RPS6KA5: variants seen among roughly 807,000 people sequenced by gnomAD.
RPS6KA5 encodes ribosomal protein S6 kinase alpha-5.
A neutral mutation model predicts 85.5 loss-of-function variants in RPS6KA5; 27 were observed. That is an observed-to-expected ratio of 0.32 (90% confidence interval 0.23 to 0.44). The LOEUF is 0.44. Ranked by LOEUF, RPS6KA5 falls within the 20% of genes least tolerant of loss-of-function variation. RPS6KA5 has a pLI of 1.00. For synonymous variants in RPS6KA5, 334 were observed against 348.2 expected (o/e 0.96, Z 0.46); for missense variants, 811 against 980.9 (o/e 0.83, Z 2.31).
At chr14:91,048,334 G>A (rs1264488811) in intron 1 of RPS6KA5, among the ~76,000 whole-genome samples, 1 of 152,028 alleles carries the variant, frequency 6.6e-6, no homozygotes, top group African/African-American at 2.4e-5. Flanking sequence ...TATTTACGCA[G>A]TTTTTGCCAA....
chr14:90,925,941 CAAAAAAA>C (rs71117389), intron 5 of RPS6KA5, among the ~76,000 whole-genome samples: 23 of 73,530 alleles, frequency 3.1e-4, no homozygotes, highest in Non-Finnish European at 5.2e-4. Context: ...GACCCTGACT[CAAAAAAA>C]AAAAAAAAAA....
chr14:91,025,020 A>G (rs1279286517), intron 1 of RPS6KA5, among the ~76,000 whole-genome samples: 1 of 151,298 alleles, frequency 6.6e-6, no homozygotes, highest in Non-Finnish European at 1.5e-5. Context: ...AGCTGGGACT[A>G]CAGATGTGCA....
intron 2 of RPS6KA5, among the ~76,000 whole-genome samples, chr14:90,980,460 C>T (rs555483786): frequency 1.4e-4 from 21 of 152,322 alleles, no homozygotes; most frequent in African/African-American, 3.8e-4. Context: ...TACATCTGTC[C>T]GCAACATAGG....
In RPS6KA5 at chr14:90,890,581, G is replaced by A; in HGVS notation, c.1742C>T (p.Thr581Ile). Reference protein sequence around the residue: ...LKPPDNQPLKTPCFTLHYAAP... With the variant: ...LKPPDNQPLKIPCFTLHYAAP... ...GGCATAATGAAGGGTGAAGCATGGA[G>A]TCTTCAGGGGCTGATTATCCGGTGG... Residue 581 changes from threonine to isoleucine, a missense_variant, in exon 14 of 17, where the codon ACT becomes ATT. Thr to Ile is a moderately conservative substitution (Grantham distance 89). Coordinates refer to ENST00000614987, the MANE Select transcript of RPS6KA5 (RefSeq NM_004755.4). 6.2e-7 allele frequency: 1 copy of A among 1,614,088 alleles called. No individual in the cohort carries two copies. The highest frequency in any genetic ancestry group is 8.5e-7 in the Non-Finnish European group (1 of 1,179,916).
chr14:91,059,408 T>C (rs1197734508), intron 1 of RPS6KA5, among the ~76,000 whole-genome samples: 1 of 150,664 alleles, frequency 6.6e-6, no homozygotes, highest in Admixed American at 6.6e-5. Flanking sequence ...CTCACAAACA[T>C]ATCTAGTAAT....
chr14:90,993,657 T>C (rs1322801581), intron 2 of RPS6KA5, among the ~76,000 whole-genome samples: 1 of 152,256 alleles, frequency 6.6e-6, no homozygotes, highest in African/African-American at 2.4e-5. Flanking sequence ...TGTTCCTTTA[T>C]AAATAAGTCT....
rs778485150 is a variant in RPS6KA5 at position 90,875,229 on chromosome 14, T to G, written c.1968A>C (p.Val656=). 6 of 1,613,722 alleles carry G rather than the reference T, an allele frequency of 3.7e-6. No homozygotes were observed. Among genetic ancestry groups the G allele is most frequent in the African/African-American group, 1.3e-5 (1 of 74,928 alleles). The change falls in exon 15 of 17, where the codon GTA becomes GTC. Residue 656 remains valine (V), a synonymous_variant. Transcript: ENST00000614987. ...FSFEGEAWKN[V]SQEAKDLIQG... The stretch of plus-strand genomic sequence containing the variant: ...GGATCAAATCTTTAGCCTCTTGGGA[T>G]ACATTCTTCCAGGCTTCTCCTTCAA...
chr14:91,053,364 A>G (rs1279280835), intron 1 of RPS6KA5, among the ~76,000 whole-genome samples: 2 of 152,356 alleles, frequency 1.3e-5, no homozygotes, highest in East Asian at 3.9e-4. Context: ...CAAGGCAATT[A>G]AGCAGGAAAT....
chr14:91,052,833 CAAAAAA>C (rs200161761), intron 1 of RPS6KA5, among the ~76,000 whole-genome samples: 5 of 120,216 alleles, frequency 4.2e-5, no homozygotes, highest in Non-Finnish European at 5.1e-5. Flanking sequence ...ACTCCATCTC[CAAAAAA>C]AAAAAAAAAA....
At chr14:90,891,053 AT>A (rs1471813291) in intron 13 of RPS6KA5, among the ~76,000 whole-genome samples, 1 of 151,512 alleles carries the variant, frequency 6.6e-6, no homozygotes, top group Non-Finnish European at 1.5e-5. Flanking sequence ...AACGTTTAAT[AT>A]TTTTTCCTAA....
rs530470027 is a variant in RPS6KA5, at chr14:90,970,793, C to T, written c.394+7513G>A. Among the ~76,000 whole-genome samples the T allele has an allele frequency of 1.2e-4, 18 of 151,934 alleles. No homozygotes were observed. In the South Asian group the frequency reaches 3.5e-3, roughly 30 times the overall value. Reference sequence around the variant, plus strand: ...GTACAGAAAAAGTTATAAAAGGAGACATGATCTCCACGTTACAAGATTTGG... The same window carrying T: ...GTACAGAAAAAGTTATAAAAGGAGATATGATCTCCACGTTACAAGATTTGG... On this transcript the variant is annotated intron_variant, in intron 3 of 16. Coordinates refer to ENST00000614987, the MANE Select transcript of RPS6KA5 (RefSeq NM_004755.4).
At chr14:91,015,602 G>A (rs771387168) in intron 1 of RPS6KA5, among the ~76,000 whole-genome samples, 7 of 152,110 alleles carry the variant, frequency 4.6e-5, no homozygotes, top group Admixed American at 2.0e-4. Context: ...CAGTTCTACT[G>A]TCACTTCTAC....
intron 7 of RPS6KA5, among the ~76,000 whole-genome samples, chr14:90,909,488 A>G (rs2035685406): frequency 6.6e-6 from 1 of 152,198 alleles, no homozygotes. Context: ...AAAGACTGCT[A>G]TTTTTATCCT....
intron 2 of RPS6KA5, among the ~76,000 whole-genome samples, chr14:90,992,455 A>G (rs2040349940): frequency 6.6e-6 from 1 of 152,234 alleles, no homozygotes; most frequent in Non-Finnish European, 1.5e-5. Context: ...TACTCAGTGC[A>G]GATGTATAAT....
chr14:90,901,645 A>T (rs762241873), intron 9 of RPS6KA5, among the ~76,000 whole-genome samples: 5 of 152,220 alleles, frequency 3.3e-5, no homozygotes, highest in Non-Finnish European at 5.9e-5. Flanking sequence ...GCCCAGTCAC[A>T]TACTAGACAG....
rs1048158093 is a variant in RPS6KA5 at position 90,862,822 on chromosome 14, T to C, written c.*9252A>G. ...GCAAAATATTAGCAAACTATATCCA[T>C]TGATATATGAAAAGGGCAATACATC... On this transcript the variant is annotated 3_prime_UTR_variant, in exon 17 of 17. Transcript: ENST00000614987. 3 of 152,154 alleles carry C rather than the reference T, an allele frequency of 2.0e-5. No individual in the cohort carries two copies. Among genetic ancestry groups the C allele is most frequent in the African/African-American group, 7.2e-5 (3 of 41,426 alleles). 9.4% of individuals were successfully genotyped at this position (152,154 alleles called of 1,614,324 possible).
chr14:91,058,519 A>T (rs1013815070), intron 1 of RPS6KA5, among the ~76,000 whole-genome samples: 2 of 152,270 alleles, frequency 1.3e-5, no homozygotes, highest in African/African-American at 4.8e-5. Context: ...GACTTCAAGT[A>T]GCTTTTGCTG....
rs2042406257 is a variant in RPS6KA5, at chr14:91,036,245, T to C, written c.103+24087A>G. ...TAAGAAGCTCCAGACCACTGAGGAC[T>C]TGGAAAGACAAGCTAACTAAGGCCT... On this transcript the variant is annotated intron_variant, in intron 1 of 16. Coordinates refer to ENST00000614987, the MANE Select transcript of RPS6KA5 (RefSeq NM_004755.4). Among the ~76,000 whole-genome samples the C allele has an allele frequency of 2.0e-5, 3 of 152,148 alleles. 1 individual carries two copies. Among genetic ancestry groups the C allele is most frequent in the South Asian group, 4.1e-4 (2 of 4,824 alleles).
chr14:90,969,598 G>A (rs1345109371), intron 3 of RPS6KA5, among the ~76,000 whole-genome samples: 2 of 152,166 alleles, frequency 1.3e-5, no homozygotes, highest in Non-Finnish European at 2.9e-5. Flanking sequence ...GCTTGTAGGA[G>A]GGGAAGTCGT....
Sources: gnomAD v4.1 joint callset for allele counts (sites outside exome capture counted in the v4.1 genomes callset) on GRCh38, gnomAD v4.1.1 for gene constraint, MANE v1.5 for transcripts, NCBI Gene and HGNC (gene_info 2026-07-23, HGNC 2026-07-21) for gene names.